The following HIF3A variants were observed in gnomAD, a reference collection of about 807,000 sequenced individuals.
The protein encoded by HIF3A is hypoxia-inducible factor 3-alpha.
Under a neutral mutation model 67.2 loss-of-function variants are expected in HIF3A, and 41 were observed. The observed-to-expected ratio is 0.61, with a 90% CI of 0.48 to 0.79. HIF3A has a LOEUF of 0.79. Among genes scored for constraint, HIF3A ranks in the 30% least tolerant of loss-of-function variants. HIF3A has a pLI of 0.00. For synonymous variants in HIF3A, 356 were observed against 374.8 expected, an observed-to-expected ratio of 0.95 and a Z score of 0.58; for missense variants, 855 against 898.0, an observed-to-expected ratio of 0.95 and a Z score of 0.61.
chr19:46,321,235 C>T (rs1271636422), intron 9 of HIF3A, among the ~76,000 whole-genome samples: 1 of 152,134 alleles, frequency 6.6e-6, no homozygotes, highest in Non-Finnish European at 1.5e-5. Context: ...CTGTTCTGAG[C>T]CACCAATCCC....
In HIF3A at chr19:46,297,337, CGAT is replaced by C. The variant is rs1967944692; in HGVS notation, c.26+236_26+238del. ...TGGCCAAGAGCGGCTTCGGGGTTCCCGATTTCTCGCTACCCAAGGCTCATTTAC... is the reference window on the plus strand; with the variant it reads ...TGGCCAAGAGCGGCTTCGGGGTTCCCTTCTCGCTACCCAAGGCTCATTTAC... On this transcript the variant is annotated intron_variant, in intron 1 of 14. Transcript: ENST00000377670. This position sits in a 1 kb window ranked among gnomAD's most constrained non-coding sequence, Gnocchi z 4.5. 1.3e-5 allele frequency among the ~76,000 whole-genome samples: 2 copies of C among 152,112 alleles called. No homozygotes were observed. The highest frequency in any genetic ancestry group is 4.1e-4 in the South Asian group (2 of 4,834).
rs76447300 is a variant in HIF3A at position 46,305,004 on chromosome 19, G to A, written c.218-241G>A. ...CACATCCTTAGAATTCTGTTCCCTTGGGAGACTCCTACTTCCTTAGAATTC... is the reference window on the plus strand; with the variant it reads ...CACATCCTTAGAATTCTGTTCCCTTAGGAGACTCCTACTTCCTTAGAATTC... On this transcript the variant is annotated intron_variant, in intron 2 of 14. Coordinates refer to ENST00000377670, the MANE Select transcript of HIF3A (RefSeq NM_152795.4). The A allele has an allele frequency of 5.6e-4, 355 of 630,642 alleles. No individual in the cohort carries two copies. The African/African-American group carries it at 6.1e-3, about 11-fold the overall frequency. 39.1% of individuals were successfully genotyped at this position (630,642 alleles called of 1,614,324 possible). A position where few individuals can be genotyped will look rare whatever the true frequency, so the allele number is the denominator to read the frequency against.
chr19:46,330,612 A>G (rs956420827), intron 12 of HIF3A, among the ~76,000 whole-genome samples: 1 of 148,752 alleles, frequency 6.7e-6, no homozygotes, highest in African/African-American at 2.5e-5. Flanking sequence ...GGATGGATGC[A>G]TGGATGGTGG....
At chr19:46,325,151 C>T (rs1299793161) in intron 10 of HIF3A, among the ~76,000 whole-genome samples, 1 of 151,292 alleles carries the variant, frequency 6.6e-6, no homozygotes, top group African/African-American at 2.4e-5. Flanking sequence ...TGTGTGCCAC[C>T]ACACCCAGCT....
chr19:46,313,323 G>T lies in HIF3A; in HGVS notation c.1025+670G>T, dbSNP rs528319394. The stretch of plus-strand genomic sequence containing the variant: ...AAATAAGAAGTGTAACAGAATCATG[G>T]GGTCTTTTTTGCTTTTTAAATTTTG... On this transcript the variant is annotated intron_variant, in intron 8 of 14. Coordinates refer to ENST00000377670, the MANE Select transcript of HIF3A (RefSeq NM_152795.4). 1.0e-5 allele frequency: 10 copies of T among 983,224 alleles called. No individual in the cohort carries two copies. In the African/African-American group the frequency reaches 1.1e-4, roughly 10 times the overall value. 60.9% of individuals were successfully genotyped at this position (983,224 alleles called of 1,614,324 possible).
intron 12 of HIF3A, among the ~76,000 whole-genome samples, chr19:46,330,920 G>A (rs1021835900): frequency 6.6e-6 from 1 of 151,386 alleles, no homozygotes; most frequent in African/African-American, 2.4e-5. Flanking sequence ...ACAACTAGGT[G>A]GATAAATAGG....
intron 8 of HIF3A, chr19:46,313,224 C>A: frequency 2.3e-6 from 2 of 874,486 alleles, no homozygotes; most frequent in Non-Finnish European, 2.7e-6. Flanking sequence ...GCACTCTGGC[C>A]TCGGCAACAG....
At chr19:46,301,066 C>A (rs549566760) in intron 1 of HIF3A, among the ~76,000 whole-genome samples, 2 of 152,136 alleles carry the variant, frequency 1.3e-5, no homozygotes, top group Admixed American at 6.5e-5. Flanking sequence ...CAGAACAGGA[C>A]GGAATGTCCT....
intron 8 of HIF3A, 155 bp from the exon 9 acceptor site, chr19:46,320,288 A>T (rs1229067098): frequency 4.6e-6 from 3 of 645,528 alleles, no homozygotes; most frequent in Non-Finnish European, 8.3e-6. Flanking sequence ...CCCTTATAGG[A>T]GACAAATAAA....
At chr19:46,322,112 T>C (rs1970417162) in intron 10 of HIF3A, 146 bp downstream of exon 10, 3 of 766,404 alleles carry the variant, frequency 3.9e-6, no homozygotes, top group Non-Finnish European at 6.2e-6. Context: ...GGGGTTGAGG[T>C]TCCTTTAAGA....
At position 46,309,301 on chromosome 19, in the gene HIF3A, C is replaced by T. The variant is rs1489435161; in HGVS notation, c.712C>T (p.Arg238Ter). 4 of 1,613,006 alleles carry T rather than the reference C, an allele frequency of 2.5e-6. No homozygotes were observed. Among genetic ancestry groups the T allele is most frequent in the African/African-American group, 1.3e-5 (1 of 74,902 alleles). Residue 238 changes from arginine to a stop codon, truncating the protein, a stop_gained, in exon 6 of 15, where the codon CGA becomes TGA. Coordinates refer to ENST00000377670, the MANE Select transcript of HIF3A (RefSeq NM_152795.4). LOFTEE classifies it high-confidence loss of function. Reference sequence around the variant, plus strand: ...AGGCAGCCTGGAGCCCCCACTGGGCCGAGGGGCCTTCCTCAGCCGCCACAG... The same window carrying T: ...AGGCAGCCTGGAGCCCCCACTGGGCTGAGGGGCCTTCCTCAGCCGCCACAG... ...HPGSLEPPLG[R>*]GAFLSRHSLD...
intron 13 of HIF3A, among the ~76,000 whole-genome samples, chr19:46,331,820 A>G (rs11666756): frequency 0.094 from 13,885 of 148,038 alleles, 931 homozygotes; most frequent in East Asian, 0.25. Flanking sequence ...GTGCCACTGC[A>G]GTCCAGTCTA....
rs769927051 is a variant in HIF3A at position 46,312,047 on chromosome 19, C to T, written c.771-114C>T. 18 of 827,696 alleles carry T rather than the reference C, an allele frequency of 2.2e-5. No homozygotes were observed. The African/African-American group carries it at 2.5e-4, about 11-fold the overall frequency. 51.3% of individuals were successfully genotyped at this position (827,696 alleles called of 1,614,324 possible). On this transcript the variant is annotated intron_variant, in intron 6 of 14. Coordinates refer to ENST00000377670, the MANE Select transcript of HIF3A (RefSeq NM_152795.4). ...TACTCCTTTTCTCTCGGTTACAATC[C>T]TTCTCGACATCTTGCTGGCTTTGTT...
chr19:46,299,767 T>C (rs1372101808), intron 1 of HIF3A, among the ~76,000 whole-genome samples: 1 of 148,876 alleles, frequency 6.7e-6, no homozygotes, highest in East Asian at 2.0e-4. Context: ...TCACACTCCC[T>C]TTCCACCACC....
intron 2 of HIF3A, chr19:46,304,301 C>G (rs1968627645): frequency 1.7e-6 from 1 of 588,014 alleles, no homozygotes. Flanking sequence ...GAGTCCCGCC[C>G]CCCTCGAAGT....
intron 2 of HIF3A, among the ~76,000 whole-genome samples, chr19:46,304,476 C>T (rs747427857): frequency 1.8e-4 from 27 of 152,084 alleles, no homozygotes; most frequent in Non-Finnish European, 3.2e-4. Flanking sequence ...TGGGAGGCTG[C>T]GCCGCCCAAC....
intron 11 of HIF3A, among the ~76,000 whole-genome samples, chr19:46,326,321 G>A (rs1459374675): frequency 6.6e-6 from 1 of 152,206 alleles, no homozygotes; most frequent in East Asian, 1.9e-4. Context: ...GACAAATGGA[G>A]AAGTAGAGAG....
chr19:46,303,816 C>T (rs1968552196), intron 1 of HIF3A, 82 bp from the exon 2 acceptor site: 4 of 1,524,870 alleles, frequency 2.6e-6, no homozygotes, highest in East Asian at 4.8e-5. Context: ...CCCGGCCCCA[C>T]GTGGCAGCTC....
Position 46,321,800 on chromosome 19 carries a change from C to T in HIF3A, c.1169C>T (p.Ala390Val), listed in dbSNP as rs1970387063. The T allele has an allele frequency of 1.2e-6, 2 of 1,613,774 alleles. No individual in the cohort carries two copies. Among genetic ancestry groups the T allele is most frequent in the Non-Finnish European group, 1.7e-6 (2 of 1,179,956 alleles). The change falls in exon 10 of 15, where the codon GCC becomes GTC. Residue 390 changes from alanine to valine, a missense_variant. This residue lies in a region of HIF3A where 638 missense variants were observed against 660.5 expected (regional missense o/e 0.97). Transcript: ENST00000377670. ...GACACCCCTGGCCCCCGGATCCTTG[C>T]CTTCCTGCACCCGCCTTCCCTGAGC... ...SLDTPGPRILAFLHPPSLSEA... is the reference protein window; with the variant it reads ...SLDTPGPRILVFLHPPSLSEA...
Sources: allele counts gnomAD v4.1 joint callset (sites outside exome capture counted in the v4.1 genomes callset), GRCh38; gene constraint gnomAD v4.1.1; regional missense constraint gnomAD v4.1.1; non-coding constraint Gnocchi (gnomAD v3.1); transcripts MANE v1.5; gene names NCBI Gene and HGNC (gene_info 2026-07-23, HGNC 2026-07-21).